Variants in TSG101 observed in about 807,000 individuals in gnomAD.
TSG101 encodes tumor susceptibility gene 101 protein.
A neutral mutation model predicts 48.5 loss-of-function variants in TSG101; 19 were observed. The ratio of observed to expected loss-of-function variants is 0.39; its 90% CI spans 0.27 to 0.58. The LOEUF (loss-of-function observed/expected upper bound fraction) is 0.58, where lower values mean the gene tolerates loss of function less well. TSG101 is among the 20% of genes least tolerant of loss of function. The pLI is 0.55. For missense variants in TSG101, 365 were observed against 484.4 expected, an observed-to-expected ratio of 0.75 and a Z score of 2.31; for synonymous variants, 174 against 169.4, an observed-to-expected ratio of 1.03 and a Z score of -0.21.
chr11:18,518,419 G>T (rs550346321), intron 2 of TSG101, among the ~76,000 whole-genome samples: 37 of 152,310 alleles, frequency 2.4e-4, no homozygotes, highest in African/African-American at 8.9e-4. Flanking sequence ...ACAAGCAGCA[G>T]CATGGGTTTT....
intron 6 of TSG101, among the ~76,000 whole-genome samples, chr11:18,506,154 G>T (rs1244585567): frequency 6.6e-6 from 1 of 152,084 alleles, no homozygotes; most frequent in East Asian, 1.9e-4. Context: ...TAAGGTGTGT[G>T]TGTATAATTT....
At chr11:18,514,581 C>CCTCCTTGAGTG in intron 4 of TSG101, 97 bp downstream of exon 4, 1 of 1,026,502 alleles carries the variant, frequency 9.7e-7, no homozygotes, top group Non-Finnish European at 1.3e-6. Flanking sequence ...ACTTATCTAT[C>CCTCCTTGAGTG]CTACCTCGAA....
rs756680638 is a variant in TSG101, at chr11:18,519,578, C to T, written c.68G>A (p.Arg23His). 10 of 1,612,808 alleles carry T rather than the reference C, an allele frequency of 6.2e-6. No individual in the cohort carries two copies. The highest frequency in any genetic ancestry group is 1.7e-4 in the Middle Eastern group (1 of 5,900). ...TAGAGTAATAACATTGACAGTTTCA[C>T]GTACAGTTAGGTCTCTGTATTTGTA... ...SKYKYRDLTV[R>H]ETVNVITLYK... is the part of the protein sequence containing the mutation. The change falls in exon 2 of 10, where the codon CGT becomes CAT. Residue 23 changes from arginine to histidine, a missense_variant. Transcript: ENST00000251968.
intron 5 of TSG101, chr11:18,508,368 T>C (rs1413948519): frequency 6.6e-6 from 1 of 151,900 alleles, no homozygotes; most frequent in African/African-American, 2.4e-5. Flanking sequence ...GCTAATTTTG[T>C]ATTTTTAGTA....
chr11:18,519,747 C>T (rs573270311), intron 1 of TSG101, 144 bp from the exon 2 acceptor site: 2 of 578,582 alleles, frequency 3.5e-6, no homozygotes, highest in South Asian at 2.3e-5. Context: ...ATACTATTAT[C>T]ACACTAAAAT....
rs374661300 is a variant in TSG101 at position 18,512,998 on chromosome 11, G to C, written c.357+1680C>G. ...CCGCCTCAGCCTCCCAAAGTGCTGA[G>C]ACTACAGGTGTGAGCCACCCCACCC... On this transcript the variant is annotated intron_variant, in intron 4 of 9. Coordinates refer to ENST00000251968, the MANE Select transcript of TSG101 (RefSeq NM_006292.4). Among the ~76,000 whole-genome samples the C allele has an allele frequency of 1.4e-4, 22 of 152,186 alleles. No homozygotes were observed. The East Asian group carries it at 1.7e-3, about 12-fold the overall frequency.
intron 6 of TSG101, 121 bp from the exon 7 acceptor site, chr11:18,502,698 A>G: frequency 1.5e-6 from 1 of 679,736 alleles, no homozygotes; most frequent in Non-Finnish European, 2.5e-6. Context: ...ATGAATTTAT[A>G]GTCTTGGAGC....
At chr11:18,485,878 C>T (rs556906574) in intron 7 of TSG101, among the ~76,000 whole-genome samples, 1 of 152,368 alleles carries the variant, frequency 6.6e-6, no homozygotes, top group African/African-American at 2.4e-5. Flanking sequence ...AAGCCAAAAA[C>T]AGCCTGAAGG....
Position 18,481,690 on chromosome 11 carries a change from A to G in TSG101, c.1023T>C (p.Thr341=). Residue 341 remains threonine, a synonymous_variant, in exon 9 of 10, where the codon ACT becomes ACC. Coordinates refer to ENST00000251968, the MANE Select transcript of TSG101 (RefSeq NM_006292.4). ...LYAEENAIED[T]IFYLGEALRR... is the part of the protein sequence containing the mutation. ...TCAAGGCTTCTCCCAAGTAAAAGAT[A>G]GTGTCTTCAATAGCGTTTTCTTCTG... is the stretch of plus-strand genomic sequence containing the variant. 1.2e-6 allele frequency: 2 copies of G among 1,614,200 alleles called. No homozygotes were observed. The highest frequency in any genetic ancestry group is 1.7e-6 in the Non-Finnish European group (2 of 1,180,036).
intron 7 of TSG101, among the ~76,000 whole-genome samples, chr11:18,499,209 A>ATG (rs1000249254): frequency 8.0e-6 from 1 of 125,490 alleles, no homozygotes; most frequent in Non-Finnish European, 1.7e-5. Flanking sequence ...ATATATATAT[A>ATG]AAATATATAT....
Position 18,480,550 on chromosome 11 carries a change from T to A in TSG101, c.1169A>T (p.Tyr390Phe). ...ARKTAGLSDLY is the reference protein window; with the variant it reads ...ARKTAGLSDLF ...CTCCAGCTGGTATCAGAGAAGTCAG[T>A]AGAGGTCACTGAGACCGGCAGTCTT... Residue 390 changes from tyrosine (Y) to phenylalanine (F), a missense_variant, in exon 10 of 10, where the codon TAC becomes TTC. Tyr to Phe is a conservative substitution (Grantham distance 22, BLOSUM62 3). Transcript: ENST00000251968. 6.2e-7 allele frequency: 1 copy of A among 1,613,350 alleles called. No homozygotes were observed. The highest frequency in any genetic ancestry group is 8.5e-7 in the Non-Finnish European group (1 of 1,179,560).
chr11:18,483,802 AC>A lies in TSG101; in HGVS notation c.843+67del, dbSNP rs1193218947. The A allele has an allele frequency of 9.2e-6, 14 of 1,521,484 alleles. No individual in the cohort carries two copies. The Middle Eastern group carries it at 8.6e-4, about 93-fold the overall frequency. The allele number at this position is 1,521,484 out of a possible 1,614,324, so 94.2% of individuals were successfully genotyped here. On this transcript the variant is annotated intron_variant, in intron 8 of 9. Transcript: ENST00000251968. ...CTACTATGCCCACAACATCCAGGGAACATATAGAACACTCTGCCATGGCTAC... is the reference window on the plus strand; with the variant it reads ...CTACTATGCCCACAACATCCAGGGAAATATAGAACACTCTGCCATGGCTAC...
chr11:18,483,864 A>T lies in TSG101; in HGVS notation c.843+6T>A. On this transcript the variant is annotated splice_donor_region_variant and intron_variant, in intron 8 of 9. Transcript: ENST00000251968. The stretch of plus-strand genomic sequence containing the variant: ...AAAAATTTTAAGTCTTTAATGAGTC[A>T]CTTACTACTTCTTGATCTAAACGGG... The T allele has an allele frequency of 6.2e-7, 1 of 1,613,892 alleles. No individual in the cohort carries two copies. Among genetic ancestry groups the T allele is most frequent in the Non-Finnish European group, 8.5e-7 (1 of 1,179,974 alleles).
In TSG101 at chr11:18,502,469, T is replaced by C; in HGVS notation, c.640+17A>G. The C allele has an allele frequency of 6.2e-7, 1 of 1,603,366 alleles. No individual in the cohort carries two copies. The highest frequency in any genetic ancestry group is 1.7e-4 in the Middle Eastern group (1 of 6,044). ...CTTTGCTTATATGGTGAAACACAAG[T>C]TTTCAAGGGTACTTACCAACAGTGG... On this transcript the variant is annotated intron_variant, in intron 7 of 9. Transcript: ENST00000251968.
At chr11:18,484,356 T>G (rs1479545522) in intron 7 of TSG101, among the ~76,000 whole-genome samples, 3 of 152,226 alleles carry the variant, frequency 2.0e-5, no homozygotes, top group African/African-American at 7.2e-5. Context: ...AGACAGAGGC[T>G]ATGTCCCTAC....
chr11:18,489,169 C>A (rs1209757170), intron 7 of TSG101, among the ~76,000 whole-genome samples: 4 of 150,636 alleles, frequency 2.7e-5, no homozygotes, highest in Non-Finnish European at 4.4e-5. Context: ...TTAAAAGCCC[C>A]AAGCCAGGAA....
At chr11:18,496,714 T>C (rs1849789515) in intron 7 of TSG101, among the ~76,000 whole-genome samples, 1 of 151,970 alleles carries the variant, frequency 6.6e-6, no homozygotes, top group Non-Finnish European at 1.5e-5. Context: ...GAGGATCACC[T>C]GAGCCCAGGA....
rs779009016 is a variant in TSG101 at position 18,484,460 on chromosome 11, G to A, written c.641-388C>T. Among the ~76,000 whole-genome samples the A allele has an allele frequency of 2.6e-5, 4 of 152,214 alleles. 1 individual carries two copies. The highest frequency in any genetic ancestry group is 1.3e-4 in the Admixed American group (2 of 15,280). On this transcript the variant is annotated intron_variant, in intron 7 of 9. Transcript: ENST00000251968. Reference sequence around the variant, plus strand: ...CAGGCCAAGTCCAACATCAGGCTTCGCTGCTAAGCTGAAGGAGACAAGTGC... The same window carrying A: ...CAGGCCAAGTCCAACATCAGGCTTCACTGCTAAGCTGAAGGAGACAAGTGC...
At chr11:18,504,644 G>A (rs1447949297) in intron 6 of TSG101, among the ~76,000 whole-genome samples, 1 of 152,072 alleles carries the variant, frequency 6.6e-6, no homozygotes, top group Non-Finnish European at 1.5e-5. Flanking sequence ...CAAAGATAAT[G>A]TGATCACATT....
Sources: allele counts gnomAD v4.1 joint callset (sites outside exome capture counted in the v4.1 genomes callset), GRCh38; gene constraint gnomAD v4.1.1; transcripts MANE v1.5; gene names NCBI Gene and HGNC (gene_info 2026-07-23, HGNC 2026-07-21).